The following GALNT17 variants were observed in gnomAD, a reference collection of about 807,000 sequenced individuals.
GALNT17 encodes polypeptide N-acetylgalactosaminyltransferase 17.
In GALNT17, 29 loss-of-function variants were observed where a neutral mutation model predicts 63.7. The ratio of observed to expected loss-of-function variants is 0.46; its 90% confidence interval spans 0.34 to 0.62. The LOEUF (loss-of-function observed/expected upper bound fraction) is 0.62, where lower values mean the gene tolerates loss of function less well. Ranked by LOEUF, GALNT17 falls within the 20% of genes least tolerant of loss-of-function variation. The pLI is 0.01. For synonymous variants in GALNT17, 305 were observed against 318.3 expected, an observed-to-expected ratio of 0.96 and a Z score of 0.45; for missense variants, 603 against 799.6, an observed-to-expected ratio of 0.75 and a Z score of 2.97.
At chr7:71,605,596 A>AAG (rs1790033799) in intron 6 of GALNT17, among the ~76,000 whole-genome samples, 1 of 152,080 alleles carries the variant, frequency 6.6e-6, no homozygotes, top group Non-Finnish European at 1.5e-5. Flanking sequence ...AAAAAAAAAA[A>AAG]AAAGAAAGGT....
chr7:71,221,383 C>CTT (rs33954579), intron 1 of GALNT17, among the ~76,000 whole-genome samples: 23 of 110,834 alleles, frequency 2.1e-4, no homozygotes, highest in Admixed American at 3.9e-4. Context: ...TACAGCCATG[C>CTT]TTTTTTTTTT....
At chr7:71,579,178 A>T (rs1157239077) in intron 6 of GALNT17, among the ~76,000 whole-genome samples, 1 of 152,240 alleles carries the variant, frequency 6.6e-6, no homozygotes, top group Non-Finnish European at 1.5e-5. Context: ...GCCCAAGTTT[A>T]TCTGTGATAC....
chr7:71,454,850 A>G (rs6460656), intron 5 of GALNT17, among the ~76,000 whole-genome samples: 80,133 of 151,916 alleles, frequency 0.53, 23,190 homozygotes, highest in Non-Finnish European at 0.66. Flanking sequence ...GAACTATTCC[A>G]TGGTCAGTGG....
intron 5 of GALNT17, among the ~76,000 whole-genome samples, chr7:71,514,331 C>T (rs562648768): frequency 5.5e-4 from 84 of 152,158 alleles, no homozygotes; most frequent in African/African-American, 1.9e-3. Flanking sequence ...AAGAGGTAGA[C>T]GCTAGCCAGG....
chr7:71,449,108 C>CTTTATTT (rs1787211225), intron 5 of GALNT17, among the ~76,000 whole-genome samples: 1 of 72,754 alleles, frequency 1.4e-5, no homozygotes, highest in African/African-American at 5.7e-5. Flanking sequence ...TGCCTATTTT[C>CTTTATTT]TTTTTTTTTT....
chr7:71,664,043 T>G (rs1020161048), intron 6 of GALNT17, among the ~76,000 whole-genome samples: 2 of 152,088 alleles, frequency 1.3e-5, no homozygotes, highest in African/African-American at 4.8e-5. Context: ...AGGTTTTTTT[T>G]TTTTTTCCCA....
intron 9 of GALNT17, among the ~76,000 whole-genome samples, chr7:71,705,746 C>A (rs1791714139): frequency 6.6e-6 from 1 of 152,080 alleles, no homozygotes; most frequent in Non-Finnish European, 1.5e-5. Context: ...GGTCTGGGGG[C>A]TGGAAGACAT....
intron 1 of GALNT17, among the ~76,000 whole-genome samples, chr7:71,159,894 G>A (rs1312098090): frequency 6.6e-6 from 1 of 151,694 alleles, no homozygotes; most frequent in Non-Finnish European, 1.5e-5. Flanking sequence ...CAATTCTTCT[G>A]CCTCAGCCTC....
At chr7:71,230,521 C>G (rs1007395850) in intron 1 of GALNT17, among the ~76,000 whole-genome samples, 1 of 149,972 alleles carries the variant, frequency 6.7e-6, no homozygotes, top group Non-Finnish European at 1.5e-5. Flanking sequence ...TCCCTGTGTT[C>G]CTTTGGTCAG....
chr7:71,703,924 C>T (rs1791688501), intron 9 of GALNT17, among the ~76,000 whole-genome samples: 1 of 151,978 alleles, frequency 6.6e-6, no homozygotes, highest in Non-Finnish European at 1.5e-5. Flanking sequence ...CAGTAAGGGC[C>T]CAGGACACCA....
intron 5 of GALNT17, among the ~76,000 whole-genome samples, chr7:71,422,906 G>C (rs1363274533): frequency 2.0e-5 from 3 of 152,196 alleles, no homozygotes; most frequent in Admixed American, 6.5e-5. Flanking sequence ...GGAGCAGGAA[G>C]GGGGATGGAG....
Position 71,137,446 on chromosome 7 carries a change from A to C in GALNT17, c.238+4406A>C, listed in dbSNP as rs947818378. Among the ~76,000 whole-genome samples the C allele has an allele frequency of 3.9e-5, 6 of 151,984 alleles. No individual in the cohort carries two copies. The South Asian group carries it at 1.2e-3, about 31-fold the overall frequency. On this transcript the variant is annotated intron_variant, in intron 1 of 10. Coordinates refer to ENST00000333538, the MANE Select transcript of GALNT17 (RefSeq NM_022479.3). Reference sequence around the variant, plus strand: ...GAGCCACCGCGCCCGGCCATTTTGGACTTTTAATACCACCCCCATCCCTCA... The same window carrying C: ...GAGCCACCGCGCCCGGCCATTTTGGCCTTTTAATACCACCCCCATCCCTCA...
chr7:71,384,541 A>C (rs139994191), intron 2 of GALNT17, among the ~76,000 whole-genome samples: 2 of 152,294 alleles, frequency 1.3e-5, no homozygotes, highest in African/African-American at 4.8e-5. Flanking sequence ...TGAGGGTAGT[A>C]TGTGGTGGAG....
chr7:71,677,413 A>T, intron 9 of GALNT17, 107 bp downstream of exon 9: 1 of 1,102,246 alleles, frequency 9.1e-7, no homozygotes, highest in Non-Finnish European at 1.3e-6. Context: ...CTTGGTAGTT[A>T]TTTATTCTGA....
At position 71,367,588 on chromosome 7, in the gene GALNT17, C is replaced by G. The variant is rs867891306; in HGVS notation, c.423-20647C>G. On this transcript the variant is annotated intron_variant, in intron 2 of 10. Coordinates refer to ENST00000333538, the MANE Select transcript of GALNT17 (RefSeq NM_022479.3). ...CAGGTTACAGTGGGGCCCCCAATGCCTGAGGCCACCGGGAAATTGAGAAAT... is the reference window on the plus strand; with the variant it reads ...CAGGTTACAGTGGGGCCCCCAATGCGTGAGGCCACCGGGAAATTGAGAAAT... Among the ~76,000 whole-genome samples, 3 of 152,186 alleles carry G rather than the reference C, an allele frequency of 2.0e-5. No homozygotes were observed. In the South Asian group the frequency reaches 6.2e-4, roughly 32 times the overall value.
At chr7:71,622,498 GTC>G (rs1439838082) in intron 6 of GALNT17, among the ~76,000 whole-genome samples, 2 of 152,112 alleles carry the variant, frequency 1.3e-5, no homozygotes, top group African/African-American at 4.8e-5. Flanking sequence ...TCTCACTGGT[GTC>G]TCTCTCGGCT....
intron 10 of GALNT17, 149 bp downstream of exon 10, chr7:71,711,077 G>A: frequency 9.7e-7 from 1 of 1,035,298 alleles, no homozygotes. Context: ...TGGACCCAAA[G>A]CACTTCCTGG....
chr7:71,242,377 T>G (rs1018436581), intron 1 of GALNT17, among the ~76,000 whole-genome samples: 1 of 149,318 alleles, frequency 6.7e-6, no homozygotes, highest in Non-Finnish European at 1.5e-5. Context: ...TCACGCATTC[T>G]CCTGCTTCAG....
chr7:71,205,812 T>C (rs1434995107), intron 1 of GALNT17, among the ~76,000 whole-genome samples: 1 of 152,174 alleles, frequency 6.6e-6, no homozygotes, highest in Admixed American at 6.5e-5. Flanking sequence ...TTGTTTTACA[T>C]GACTCTTTCA....
Sources: allele counts gnomAD v4.1 joint callset (sites outside exome capture counted in the v4.1 genomes callset), GRCh38; gene constraint gnomAD v4.1.1; transcripts MANE v1.5; gene names NCBI Gene and HGNC (gene_info 2026-07-23, HGNC 2026-07-21).